The following PRTG variants were observed in gnomAD, a reference collection of about 807,000 sequenced individuals.
PRTG encodes immunoglobulin superfamily, DCC subclass, member 5.
In PRTG, 67 loss-of-function variants were observed where a neutral mutation model predicts 122.5. The observed-to-expected ratio is 0.55, with a 90% CI of 0.45 to 0.67. The LOEUF (loss-of-function observed/expected upper bound fraction) is 0.67. PRTG is among the 30% of genes least tolerant of loss of function. The probability of loss-of-function intolerance (pLI) is 0.00; values close to 1 mark genes in which losing one functional copy is unlikely to be tolerated. For synonymous variants in PRTG, 554 were observed against 501.1 expected (o/e 1.11, Z -1.41); for missense variants, 1,435 against 1,415.4 (o/e 1.01, Z -0.22).
chr15:55,670,020 AAC>A (rs2059459767), intron 11 of PRTG, among the ~76,000 whole-genome samples: 1 of 152,230 alleles, frequency 6.6e-6, no homozygotes, highest in South Asian at 2.1e-4. Context: ...TTATTTTTAA[AAC>A]ACAGGAGAAA....
At chr15:55,709,022 T>C (rs1217232083) in intron 2 of PRTG, among the ~76,000 whole-genome samples, 1 of 151,462 alleles carries the variant, frequency 6.6e-6, no homozygotes, top group African/African-American at 2.4e-5. Flanking sequence ...GGTGCGTGCA[T>C]GTAGTCCCGG....
intron 7 of PRTG, 48 bp from the exon 8 acceptor site, chr15:55,678,092 T>C (rs749756171): frequency 7.2e-6 from 9 of 1,255,186 alleles, no homozygotes; most frequent in Non-Finnish European, 1.0e-5. Context: ...TAAGAATGAA[T>C]TCAAAATAAA....
intron 2 of PRTG, among the ~76,000 whole-genome samples, chr15:55,703,962 T>C (rs1567107377): frequency 6.6e-6 from 1 of 152,166 alleles, no homozygotes; most frequent in Admixed American, 6.5e-5. Context: ...ATCAAGTGAT[T>C]ATTCTTGGCC....
At chr15:55,629,170 C>T (rs918080144) in intron 15 of PRTG, among the ~76,000 whole-genome samples, 166 bp from the exon 16 acceptor site, 2 of 151,966 alleles carry the variant, frequency 1.3e-5, no homozygotes, top group East Asian at 3.8e-4. Flanking sequence ...TACAATCTTT[C>T]ATTGTTAACA....
In PRTG at chr15:55,646,456, A is replaced by C. The variant is rs62017991; in HGVS notation, c.2042-5248T>G. ...TCCTGCCTCAGCCTCCCAAGTAGCTAGGACTACAGGCGCCCGCCACCACGC... is the reference window on the plus strand; with the variant it reads ...TCCTGCCTCAGCCTCCCAAGTAGCTCGGACTACAGGCGCCCGCCACCACGC... On this transcript the variant is annotated intron_variant, in intron 11 of 19. Transcript: ENST00000389286. Among the ~76,000 whole-genome samples, 715 of 151,778 alleles carry C rather than the reference A, an allele frequency of 4.7e-3. 10 individuals carry two copies. Among genetic ancestry groups the C allele is most frequent in the African/African-American group, 0.011 (442 of 41,368 alleles).
Position 55,742,983 on chromosome 15 carries a change from C to G in PRTG, c.-52G>C, listed in dbSNP as rs1249135469. 7.1e-7 allele frequency: 1 copy of G among 1,401,928 alleles called. No individual in the cohort carries two copies. Among genetic ancestry groups the G allele is most frequent in the African/African-American group, 1.5e-5 (1 of 65,816 alleles). The allele number at this position is 1,401,928 out of a possible 1,614,324, so 86.8% of individuals were successfully genotyped here. On this transcript the variant is annotated 5_prime_UTR_variant, in exon 1 of 20. Transcript: ENST00000389286. ...CCGGCCGCCCAGAGCCCCTGTCCGTCTGCGGCCCCCGCCCCGGGCGCTCTC... is the reference window on the plus strand; with the variant it reads ...CCGGCCGCCCAGAGCCCCTGTCCGTGTGCGGCCCCCGCCCCGGGCGCTCTC...
intron 14 of PRTG, among the ~76,000 whole-genome samples, chr15:55,637,688 G>A (rs2059265667): frequency 6.6e-6 from 1 of 152,038 alleles, no homozygotes; most frequent in Admixed American, 6.6e-5. Context: ...AGTACTGATA[G>A]TTCTTACTAA....
At chr15:55,689,822 G>A (rs1345542016) in intron 2 of PRTG, among the ~76,000 whole-genome samples, 2 of 151,946 alleles carry the variant, frequency 1.3e-5, no homozygotes, top group Non-Finnish European at 2.9e-5. Flanking sequence ...CAGCTGCTGG[G>A]GAGGCTGAGG....
At chr15:55,642,625 C>T (rs1323890669) in intron 11 of PRTG, among the ~76,000 whole-genome samples, 1 of 144,286 alleles carries the variant, frequency 6.9e-6, no homozygotes, top group Admixed American at 6.9e-5. Flanking sequence ...AAGGATACAA[C>T]TCAAAAATAA....
rs534916575 is a variant in PRTG at position 55,740,498 on chromosome 15, T to A, written c.281A>T (p.Tyr94Phe). ...TCGCCTGCCTTCCACCTCACTGATG[T>A]ATAAAGAGCCGTTAGAAAGAACCTC... is the stretch of plus-strand genomic sequence containing the variant. ...RIEVLSNGSL[Y>F]ISEVEGRRGE... The change falls in exon 2 of 20, where the codon TAC becomes TTC. Residue 94 changes from tyrosine (Y) to phenylalanine (F), a missense_variant. Physicochemically the swap from Tyr to Phe is conservative, Grantham distance 22. Transcript: ENST00000389286. 1.9e-6 allele frequency: 3 copies of A among 1,614,172 alleles called. No individual in the cohort carries two copies. The African/African-American group carries it at 4.0e-5, about 22-fold the overall frequency.
intron 2 of PRTG, among the ~76,000 whole-genome samples, chr15:55,700,247 T>A (rs964117553): frequency 2.6e-5 from 4 of 152,092 alleles, no homozygotes; most frequent in Non-Finnish European, 5.9e-5. Context: ...CAAGCAAACA[T>A]CCATATTTGA....
At chr15:55,682,250 T>G (rs1011616519) in intron 4 of PRTG, 114 bp downstream of exon 4, 20 of 892,174 alleles carry the variant, frequency 2.2e-5, no homozygotes, top group Non-Finnish European at 2.9e-5. Context: ...CCAAATAGAT[T>G]ATAATAATTT....
rs796450498 is a variant in PRTG, at chr15:55,614,876, T to C, written c.*5136A>G. ...TTCCACAGAAAGAATGTACCTGTTG[T>C]GGGCAAAATACTGGCCACCTACAGA... On this transcript the variant is annotated 3_prime_UTR_variant, in exon 20 of 20. Coordinates refer to ENST00000389286, the MANE Select transcript of PRTG (RefSeq NM_173814.6). 1.3e-5 allele frequency: 2 copies of C among 152,242 alleles called. No individual in the cohort carries two copies. Among genetic ancestry groups the C allele is most frequent in the African/African-American group, 2.4e-5 (1 of 41,564 alleles). 9.4% of individuals were successfully genotyped at this position (152,242 alleles called of 1,614,324 possible). A position where few individuals can be genotyped will look rare whatever the true frequency, so the allele number is the denominator to read the frequency against.
intron 2 of PRTG, among the ~76,000 whole-genome samples, chr15:55,686,830 A>C (rs1275344241): frequency 6.6e-6 from 1 of 152,204 alleles, no homozygotes; most frequent in East Asian, 1.9e-4. Context: ...TCTCTTGCTA[A>C]TAACATTGGT....
chr15:55,632,034 A>C (rs2059230308), intron 15 of PRTG, among the ~76,000 whole-genome samples: 1 of 152,168 alleles, frequency 6.6e-6, no homozygotes, highest in South Asian at 2.1e-4. Flanking sequence ...TCTTCTGTCC[A>C]CATGCTTATG....
At chr15:55,622,034 A>C (rs2059168904) in intron 18 of PRTG, among the ~76,000 whole-genome samples, 1 of 152,106 alleles carries the variant, frequency 6.6e-6, no homozygotes, top group Non-Finnish European at 1.5e-5. Flanking sequence ...ACCCAAGGGA[A>C]TTAAGAGAGA....
Position 55,622,659 on chromosome 15 carries a change from G to A in PRTG, c.3093+1683C>T, listed in dbSNP as rs540718515. Among the ~76,000 whole-genome samples, 16 of 152,040 alleles carry A rather than the reference G, an allele frequency of 1.1e-4. 1 individual carries two copies. Among genetic ancestry groups the A allele is most frequent in the African/African-American group, 2.9e-4 (12 of 41,476 alleles). On this transcript the variant is annotated intron_variant, in intron 18 of 19. Transcript: ENST00000389286. ...GCCCGCCTTGGTCTCCCAAAGCGCT[G>A]GGATTACAGGCGTGAGCCACCGCGC...
Position 55,639,762 on chromosome 15 carries a change from G to C in PRTG, c.2204C>G (p.Ser735Ter). The change falls in exon 13 of 20, where the codon TCA becomes TGA. Residue 735 changes from serine to a stop codon, truncating the protein, a stop_gained. Coordinates refer to ENST00000389286, the MANE Select transcript of PRTG (RefSeq NM_173814.6). LOFTEE classifies it high-confidence loss of function. Reference protein sequence around the residue: ...PHHLYAKANTSSSIFLHWRRP... With the variant: ...PHHLYAKANT ...CCTCCAGTGCAGGAAGATGGAAGAT[G>C]AGGTGTTAGCCTTCGCATAGAGATG... is the stretch of plus-strand genomic sequence containing the variant. 3.1e-6 allele frequency: 5 copies of C among 1,614,220 alleles called. No homozygotes were observed. Among genetic ancestry groups the C allele is most frequent in the Non-Finnish European group, 4.2e-6 (5 of 1,180,030 alleles).
chr15:55,662,996 TA>T (rs1304848733), intron 11 of PRTG, among the ~76,000 whole-genome samples: 1 of 152,164 alleles, frequency 6.6e-6, no homozygotes, highest in African/African-American at 2.4e-5. Context: ...CCCAATATGA[TA>T]AAAAGTGAAC....
Sources: gnomAD v4.1 joint callset for allele counts (sites outside exome capture counted in the v4.1 genomes callset) on GRCh38, gnomAD v4.1.1 for gene constraint, MANE v1.5 for transcripts, NCBI Gene and HGNC (gene_info 2026-07-23, HGNC 2026-07-21) for gene names.